Variants in CMTR2 observed in about 807,000 individuals in gnomAD.
CMTR2 encodes cap methyltransferase 2, also known as cap-specific mRNA (nucleoside-2'-O-)-methyltransferase 2.
In CMTR2, 40 loss-of-function variants were observed where a neutral mutation model predicts 49.8. The ratio of observed to expected loss-of-function variants is 0.80; its 90% CI spans 0.62 to 1.04. The LOEUF (loss-of-function observed/expected upper bound fraction) is 1.04. Ranked by LOEUF, CMTR2 falls within the 50% of genes least tolerant of loss-of-function variation. The pLI is 0.00. For synonymous variants in CMTR2, 326 were observed against 315.8 expected, an observed-to-expected ratio of 1.03 and a Z score of -0.34; for missense variants, 907 against 897.2, an observed-to-expected ratio of 1.01 and a Z score of -0.14.
upstream of CMTR2, chr16:71,289,605 C>T (rs1230025580): frequency 7.2e-6 from 1 of 139,140 alleles, no homozygotes; most frequent in African/African-American, 2.6e-5. Flanking sequence ...TCTTTGGCTC[C>T]GTCCCGAAGA....
Position 71,283,311 on chromosome 16 carries a change from C to A in CMTR2, c.*297G>T, listed in dbSNP as rs2041642517. 3.2e-6 allele frequency: 1 copy of A among 311,738 alleles called. No individual in the cohort carries two copies. The highest frequency in any genetic ancestry group is 2.2e-5 in the African/African-American group (1 of 46,364). The allele number at this position is 311,738 out of a possible 1,614,324, so 19.3% of individuals were successfully genotyped here. ...AAATCTTAAGCAGATTAAGTAAGAC[C>A]AACTAAATGGCATAGGTAAGCATGG... On this transcript the variant is annotated 3_prime_UTR_variant, in exon 3 of 3. Coordinates refer to ENST00000434935, the MANE Select transcript of CMTR2 (RefSeq NM_018348.6).
chr16:71,286,130 C>A (rs1163808625), intron 2 of CMTR2, among the ~76,000 whole-genome samples, 191 bp from the exon 3 acceptor site: 2 of 151,954 alleles, frequency 1.3e-5, no homozygotes, highest in Admixed American at 1.3e-4. Flanking sequence ...GGTTCAAATT[C>A]CAGCTCTGCT....
At position 71,283,261 on chromosome 16, in the gene CMTR2, A is replaced by T. The variant is rs1037296389; in HGVS notation, c.*347T>A. The T allele has an allele frequency of 1.6e-5, 3 of 190,726 alleles. No homozygotes were observed. The highest frequency in any genetic ancestry group is 7.0e-5 in the African/African-American group (3 of 42,956). 11.8% of individuals were successfully genotyped at this position (190,726 alleles called of 1,614,324 possible). A position where few individuals can be genotyped will look rare whatever the true frequency, so the allele number is the denominator to read the frequency against. ...GGAAATCGGCTGGAAAAAAAAAACTAATCTGAACAAAGGTACACAGATGCA... is the reference window on the plus strand; with the variant it reads ...GGAAATCGGCTGGAAAAAAAAAACTTATCTGAACAAAGGTACACAGATGCA... On this transcript the variant is annotated 3_prime_UTR_variant, in exon 3 of 3. Transcript: ENST00000434935.
In CMTR2 at chr16:71,283,791, G is replaced by A. The variant is rs1197573570; in HGVS notation, c.2130C>T (p.Ser710=). 2 of 1,613,820 alleles carry A rather than the reference G, an allele frequency of 1.2e-6. No homozygotes were observed. Among genetic ancestry groups the A allele is most frequent in the African/African-American group, 1.3e-5 (1 of 74,912 alleles). Reference sequence around the variant, plus strand: ...GGGGTGAGTCAGAGTTGAGCAAAGTGCTCAACAATTCATTCACACTCTGCA... The same window carrying A: ...GGGGTGAGTCAGAGTTGAGCAAAGTACTCAACAATTCATTCACACTCTGCA... ...RYLQSVNELL[S]TLLNSDSPQQ... is the part of the protein sequence containing the mutation. Residue 710 remains serine, a synonymous_variant, in exon 3 of 3, where the codon AGC becomes AGT. Transcript: ENST00000434935.
Position 71,283,636 on chromosome 16 carries a change from ATTTC to A in CMTR2, c.2281_2284del (p.Glu761LeufsTer23). 1 of 1,611,836 alleles carries A rather than the reference ATTTC, an allele frequency of 6.2e-7. No homozygotes were observed. The highest frequency in any genetic ancestry group is 8.5e-7 in the Non-Finnish European group (1 of 1,178,968). On this transcript the variant is annotated frameshift_variant, in exon 3 of 3. Transcript: ENST00000434935. LOFTEE classifies it high-confidence loss of function. Reference sequence around the variant, plus strand: ...GTTTTGTAACTGAAGGCTGTTGATAATTTCTTCTCTCTCTCTTTGAATAATGAAA... The same window carrying A: ...GTTTTGTAACTGAAGGCTGTTGATAATTCTCTCTCTCTTTGAATAATGAAA...
rs1437421975 is a variant in CMTR2 at position 71,283,433 on chromosome 16, G to GGT, written c.*173_*174dup. 3.0e-6 allele frequency: 2 copies of GGT among 676,392 alleles called. No individual in the cohort carries two copies. The highest frequency in any genetic ancestry group is 4.9e-6 in the Non-Finnish European group (2 of 405,714). 41.9% of individuals were successfully genotyped at this position (676,392 alleles called of 1,614,324 possible). On this transcript the variant is annotated 3_prime_UTR_variant, in exon 3 of 3. Transcript: ENST00000434935. Reference sequence around the variant, plus strand: ...CACGTGGAAGAGCTCTATGCCTGTGGGTGTATATACCCTAGAGATCAGAAT... The same window carrying GGT: ...CACGTGGAAGAGCTCTATGCCTGTGGGTGTGTATATACCCTAGAGATCAGAAT...
At position 71,283,719 on chromosome 16, in the gene CMTR2, G is replaced by C. The variant is rs761904935; in HGVS notation, c.2202C>G (p.Ala734=). Residue 734 remains alanine (A), a synonymous_variant, in exon 3 of 3, where the codon GCC becomes GCG. Transcript: ENST00000434935. The part of the protein sequence containing the change: ...FVPMEVLLKG[A]LLDFLWDLNA... ...TCAAATCCCACAAAAAATCAAGCAG[G>C]GCCCCCTTAAGGAGTACCTCCATTG... 6.2e-7 allele frequency: 1 copy of C among 1,613,836 alleles called. No homozygotes were observed. Among genetic ancestry groups the C allele is most frequent in the East Asian group, 2.2e-5 (1 of 44,866 alleles).
At position 71,285,494 on chromosome 16, in the gene CMTR2, G is replaced by A. The variant is rs1468571813; in HGVS notation, c.427C>T (p.Leu143Phe). 2 of 1,614,044 alleles carry A rather than the reference G, an allele frequency of 1.2e-6. No individual in the cohort carries two copies. The highest frequency in any genetic ancestry group is 2.2e-5 in the South Asian group (2 of 91,072). The stretch of plus-strand genomic sequence containing the variant: ...ATAAAAGCTCCTGGAGCTTCACAAA[G>A]GTGTAGAGAATTCAGTTTTCCATTC... ...FQNGKLNSLH[L>F]CEAPGAFIAS... The change falls in exon 3 of 3, where the codon CTT becomes TTT. Residue 143 changes from leucine to phenylalanine, a missense_variant. Transcript: ENST00000434935.
chr16:71,285,395 G>A lies in CMTR2; in HGVS notation c.526C>T (p.Pro176Ser). ...HWSWVANTLN[P>S]YHEANDDLMM... ...AGGTCGTCATTTGCTTCATGGTATG[G>A]ATTCAGAGTATTCGCTACCCAACTC... Residue 176 changes from proline to serine, a missense_variant, in exon 3 of 3, where the codon CCA (proline) becomes TCA (serine). Transcript: ENST00000434935. 1 of 1,614,086 alleles carries A rather than the reference G, an allele frequency of 6.2e-7. No homozygotes were observed. Among genetic ancestry groups the A allele is most frequent in the Non-Finnish European group, 8.5e-7 (1 of 1,179,956 alleles).
At chr16:71,286,213 GCC>G (rs1229039730) in intron 2 of CMTR2, among the ~76,000 whole-genome samples, 5 of 102,864 alleles carry the variant, frequency 4.9e-5, no homozygotes, top group African/African-American at 1.1e-4. Context: ...AAAAAAAAAA[GCC>G]TATCATTTTT....
rs146092389 is a variant in CMTR2, at chr16:71,283,606, G to C, written c.*2C>G. ...TAAAGTTGAATCTCAGAAAGCATAT[G>C]TTCAGTTTTGTAACTGAAGGCTGTT... is the stretch of plus-strand genomic sequence containing the variant. On this transcript the variant is annotated 3_prime_UTR_variant, in exon 3 of 3. Transcript: ENST00000434935. 8.0e-5 allele frequency: 128 copies of C among 1,605,290 alleles called. No individual in the cohort carries two copies. Among genetic ancestry groups the C allele is most frequent in the Non-Finnish European group, 1.1e-4 (126 of 1,175,834 alleles).
chr16:71,286,852 GAAGA>G (rs1376961568), intron 2 of CMTR2: 1 of 151,898 alleles, frequency 6.6e-6, no homozygotes, highest in Non-Finnish European at 1.5e-5. Context: ...ATTTTATACT[GAAGA>G]AATATACATA....
rs755629456 is a variant in CMTR2, at chr16:71,285,693, T to C, written c.228A>G (p.Leu76=). The change falls in exon 3 of 3, where the codon CTA becomes CTG. Residue 76 remains leucine, a synonymous_variant. Transcript: ENST00000434935. ...LKNSLNEVKN[L]LSDKKLDEWH... Reference sequence around the variant, plus strand: ...ACTCATCCAGTTTCTTATCACTCAGTAGGTTTTTTACTTCATTTAGGGAGT... The same window carrying C: ...ACTCATCCAGTTTCTTATCACTCAGCAGGTTTTTTACTTCATTTAGGGAGT... 3.8e-5 allele frequency: 62 copies of C among 1,613,378 alleles called. No individual in the cohort carries two copies. The East Asian group carries it at 6.5e-4, about 17-fold the overall frequency.
chr16:71,283,947 C>A lies in CMTR2; in HGVS notation c.1974G>T (p.Leu658Phe), dbSNP rs201532811. The A allele has an allele frequency of 1.9e-6, 3 of 1,614,000 alleles. No individual in the cohort carries two copies. Among genetic ancestry groups the A allele is most frequent in the Non-Finnish European group, 2.5e-6 (3 of 1,179,936 alleles). Residue 658 changes from leucine to phenylalanine, a missense_variant, in exon 3 of 3, where the codon TTG (leucine) becomes TTT (phenylalanine). Coordinates refer to ENST00000434935, the MANE Select transcript of CMTR2 (RefSeq NM_018348.6). The stretch of plus-strand genomic sequence containing the variant: ...TAAAACAACTGTGGAGTACAAAGAT[C>A]AAACCAGCCATAAATCTTGTGAAGC... ...LSCFTRFMAG[L>F]IFVLHSCFRF...
Position 71,281,858 on chromosome 16 carries a change from AAT to A in CMTR2, c.*1748_*1749del, listed in dbSNP as rs1336927953. On this transcript the variant is annotated 3_prime_UTR_variant, in exon 3 of 3. Transcript: ENST00000434935. ...CATGCCTTCAACTTCATTCTTATCA[AAT>A]AGTTAAAATAAGTAAAAAATAAGCT... is the stretch of plus-strand genomic sequence containing the variant. 5 of 152,000 alleles carry A rather than the reference AAT, an allele frequency of 3.3e-5. No individual in the cohort carries two copies. Among genetic ancestry groups the A allele is most frequent in the Non-Finnish European group, 5.9e-5 (4 of 67,886 alleles). The allele number at this position is 152,000 out of a possible 1,614,324, so 9.4% of individuals were successfully genotyped here. A position where few individuals can be genotyped will look rare whatever the true frequency, so the allele number is the denominator to read the frequency against.
Position 71,282,334 on chromosome 16 carries a change from A to G in CMTR2, c.*1274T>C, listed in dbSNP as rs916795594. The G allele has an allele frequency of 3.9e-5, 6 of 152,078 alleles. No individual in the cohort carries two copies. The highest frequency in any genetic ancestry group is 8.8e-5 in the Non-Finnish European group (6 of 67,930). 9.4% of individuals were successfully genotyped at this position (152,078 alleles called of 1,614,324 possible). On this transcript the variant is annotated 3_prime_UTR_variant, in exon 3 of 3. Transcript: ENST00000434935. ...TAATGACTTTATTCATGAATCTATAATGGAATTCAAAATAGCAAAGAACAT... is the reference window on the plus strand; with the variant it reads ...TAATGACTTTATTCATGAATCTATAGTGGAATTCAAAATAGCAAAGAACAT...
At chr16:71,289,410 A>C (rs1350372245), upstream of CMTR2, 2 of 152,262 alleles carry the variant, frequency 1.3e-5, no homozygotes, top group South Asian at 4.1e-4. Flanking sequence ...CTCAAGTCCC[A>C]CTGCGCACGC....
Position 71,284,772 on chromosome 16 carries a change from C to G in CMTR2, c.1149G>C (p.Glu383Asp). 1 of 1,613,768 alleles carries G rather than the reference C, an allele frequency of 6.2e-7. No homozygotes were observed. Among genetic ancestry groups the G allele is most frequent in the African/African-American group, 1.3e-5 (1 of 75,038 alleles). ...ETISENIRLF[E>D]CMGKAEQEKL... ...TTTCTTGTTCCGCCTTTCCCATGCA[C>G]TCAAATAGACGAATGTTTTCAGAAA... Residue 383 changes from glutamate to aspartate, a missense_variant, in exon 3 of 3, where the codon GAG becomes GAC. Glu to Asp is a conservative substitution (Grantham distance 45). Coordinates refer to ENST00000434935, the MANE Select transcript of CMTR2 (RefSeq NM_018348.6).
chr16:71,289,663 A>AGGGGGAGGGGGGGGGGGGGGGGGG (rs1259857977), upstream of CMTR2: 1 of 11,750 alleles, frequency 8.5e-5, no homozygotes. Context: ...GGGGAGGGGG[A>AGGGGGAGGGGGGGGGGGGGGGGGG]GGGAGGGAAG....
Sources: gnomAD v4.1 joint callset for allele counts (sites outside exome capture counted in the v4.1 genomes callset) on GRCh38, gnomAD v4.1.1 for gene constraint, MANE v1.5 for transcripts, NCBI Gene and HGNC (gene_info 2026-07-23, HGNC 2026-07-21) for gene names.